Variants in DLG2 observed in about 807,000 individuals in gnomAD.
The protein encoded by DLG2 is discs large MAGUK scaffold protein 2, also known as disks large homolog 2.
Under a neutral mutation model 132.5 loss-of-function variants are expected in DLG2, and 45 were observed. That is an observed-to-expected ratio of 0.34 (90% confidence interval 0.27 to 0.44). The LOEUF (loss-of-function observed/expected upper bound fraction) is 0.44. DLG2 is among the 20% of genes least tolerant of loss of function. The probability of loss-of-function intolerance (pLI) is 1.00; values close to 1 mark genes in which losing one functional copy is unlikely to be tolerated. For synonymous variants in DLG2, 424 were observed against 419.6 expected (o/e 1.01, Z -0.13); for missense variants, 1,045 against 1,196.9 (o/e 0.87, Z 1.87).
chr11:83,772,522 A>T (rs1291776448), intron 18 of DLG2, among the ~76,000 whole-genome samples: 1 of 150,398 alleles, frequency 6.6e-6, no homozygotes, highest in Non-Finnish European at 1.5e-5. Context: ...GGGAAGAAGG[A>T]AGGAAGGAGG....
rs1403983841 is a variant in DLG2 at position 84,163,489 on chromosome 11, T to C, written c.596A>G (p.Tyr199Cys). The C allele has an allele frequency of 6.2e-7, 1 of 1,607,348 alleles. No individual in the cohort carries two copies. The highest frequency in any genetic ancestry group is 1.7e-5 in the Admixed American group (1 of 58,786). Residue 199 changes from tyrosine to cysteine, a missense_variant, in exon 9 of 28, where the codon TAT becomes TGT. Physicochemically the swap from Tyr to Cys is radical, Grantham distance 194. Around this residue, in one of 4 missense-constraint regions of DLG2, gnomAD observed 277 missense variants for 238.2 expected, o/e 1.16. Coordinates refer to ENST00000376104, the MANE Select transcript of DLG2 (RefSeq NM_001142699.3). The stretch of plus-strand genomic sequence containing the variant: ...CTCCAGTGTAATTTCTTCAAATTCA[T>C]ATTCAATTTCTGTCCCATTGACCTG... The part of the protein sequence containing the change: ...IPYVNGTEIE[Y>C]EFEEITLERG...
At chr11:83,972,936 A>G (rs2091596392) in intron 12 of DLG2, among the ~76,000 whole-genome samples, 1 of 152,084 alleles carries the variant, frequency 6.6e-6, no homozygotes, top group African/African-American at 2.4e-5. Flanking sequence ...TCCTTCATTA[A>G]TCATTAATTC....
chr11:84,886,807 G>A (rs530353630), intron 6 of DLG2, among the ~76,000 whole-genome samples: 8 of 152,146 alleles, frequency 5.3e-5, no homozygotes, highest in African/African-American at 1.2e-4. Flanking sequence ...TGTCAAACAC[G>A]GTCAAATTTT....
At chr11:84,431,940 T>C (rs1430818345) in intron 7 of DLG2, among the ~76,000 whole-genome samples, 3 of 152,196 alleles carry the variant, frequency 2.0e-5, no homozygotes, top group Admixed American at 6.6e-5. Context: ...TCAAAATTGA[T>C]GACAACTTCA....
intron 19 of DLG2, among the ~76,000 whole-genome samples, chr11:83,602,914 G>T (rs1193215043): frequency 6.6e-6 from 1 of 151,724 alleles, no homozygotes; most frequent in Non-Finnish European, 1.5e-5. Flanking sequence ...ATTTTAAAGA[G>T]CATTCTTATT....
intron 17 of DLG2, among the ~76,000 whole-genome samples, chr11:83,830,478 C>T (rs1197945349): frequency 6.6e-6 from 1 of 152,222 alleles, no homozygotes; most frequent in Non-Finnish European, 1.5e-5. Context: ...ATCTCTGTAG[C>T]TCAATTTCTT....
At chr11:84,435,528 G>A (rs1426718154) in intron 7 of DLG2, among the ~76,000 whole-genome samples, 1 of 152,134 alleles carries the variant, frequency 6.6e-6, no homozygotes, top group East Asian at 1.9e-4. Context: ...CAGTAGAGTT[G>A]TTATTTCCTT....
At chr11:84,361,389 C>A (rs2098648942) in intron 7 of DLG2, among the ~76,000 whole-genome samples, 1 of 151,900 alleles carries the variant, frequency 6.6e-6, no homozygotes, top group Non-Finnish European at 1.5e-5. Context: ...GCAACCCCTC[C>A]TCATAAATAA....
intron 6 of DLG2, among the ~76,000 whole-genome samples, chr11:84,809,410 A>G (rs1440659568): frequency 6.6e-6 from 1 of 151,452 alleles, no homozygotes; most frequent in African/African-American, 2.4e-5. Context: ...TATTTACCAT[A>G]ATGCTTTAAA....
intron 6 of DLG2, among the ~76,000 whole-genome samples, chr11:85,059,394 C>G (rs1289559838): frequency 6.6e-6 from 1 of 151,456 alleles, no homozygotes; most frequent in Non-Finnish European, 1.5e-5. Context: ...ATTCTAAGAT[C>G]TAGCAATTGT....
intron 14 of DLG2, among the ~76,000 whole-genome samples, chr11:83,952,173 C>T (rs113754699): frequency 5.9e-5 from 9 of 152,212 alleles, no homozygotes; most frequent in African/African-American, 2.2e-4. Flanking sequence ...TGGTGAAACC[C>T]TGTCTCTACA....
chr11:84,019,125 AT>A (rs1258304131), intron 11 of DLG2, among the ~76,000 whole-genome samples: 1 of 152,068 alleles, frequency 6.6e-6, no homozygotes, highest in Non-Finnish European at 1.5e-5. Context: ...AACAATATGT[AT>A]TTTGTATGCT....
At chr11:84,796,205 T>G (rs1265858098) in intron 6 of DLG2, among the ~76,000 whole-genome samples, 1 of 152,112 alleles carries the variant, frequency 6.6e-6, no homozygotes, top group African/African-American at 2.4e-5. Flanking sequence ...TCAAAACATC[T>G]CTTGAATTCC....
intron 6 of DLG2, among the ~76,000 whole-genome samples, chr11:84,644,430 G>C (rs189452261): frequency 2.1e-4 from 32 of 152,262 alleles, no homozygotes; most frequent in African/African-American, 7.0e-4. Context: ...TTGGAGGCCG[G>C]GCGCGGTGGC....
chr11:84,756,234 T>C (rs2066860491), intron 6 of DLG2, among the ~76,000 whole-genome samples: 1 of 152,262 alleles, frequency 6.6e-6, no homozygotes, highest in Admixed American at 6.5e-5. Context: ...GGCTTTGTTA[T>C]AGCAGCGTAG....
chr11:84,085,401 C>T (rs983191955), intron 10 of DLG2, among the ~76,000 whole-genome samples: 24 of 152,230 alleles, frequency 1.6e-4, no homozygotes, highest in Middle Eastern at 3.4e-3. Context: ...GCCTTATCAC[C>T]ACTTAAAGCT....
chr11:84,415,338 T>C (rs987937786), intron 7 of DLG2, among the ~76,000 whole-genome samples: 1 of 152,186 alleles, frequency 6.6e-6, no homozygotes, highest in African/African-American at 2.4e-5. Flanking sequence ...TATTAAGCAT[T>C]CTTTCTGGGA....
chr11:85,435,235 AT>A (rs1484355406), intron 3 of DLG2, among the ~76,000 whole-genome samples: 2 of 152,234 alleles, frequency 1.3e-5, no homozygotes, highest in Non-Finnish European at 2.9e-5. Flanking sequence ...AGCTGGAAGC[AT>A]TCCCTTTGAA....
At chr11:85,280,741 G>A (rs2078171711) in intron 4 of DLG2, among the ~76,000 whole-genome samples, 1 of 151,874 alleles carries the variant, frequency 6.6e-6, no homozygotes, top group African/African-American at 2.4e-5. Context: ...ACAGGAGAAG[G>A]GTGATATGCA....
Sources: gnomAD v4.1 joint callset for allele counts (sites outside exome capture counted in the v4.1 genomes callset) on GRCh38, gnomAD v4.1.1 for gene constraint, gnomAD v4.1.1 regional missense constraint, MANE v1.5 for transcripts, NCBI Gene and HGNC (gene_info 2026-07-23, HGNC 2026-07-21) for gene names.